The following UBR4 variants were observed in gnomAD, a reference collection of about 807,000 sequenced individuals.
UBR4 encodes ubiquitin protein ligase E3 component n-recognin 4.
UBR4 carries 124 observed loss-of-function variants against 575.6 expected under a neutral mutation model. The ratio of observed to expected loss-of-function variants is 0.22; its 90% CI spans 0.19 to 0.25. The LOEUF is 0.25. UBR4 is among the 10% of genes least tolerant of loss of function. The probability of loss-of-function intolerance (pLI) is 1.00; values close to 1 mark genes in which losing one functional copy is unlikely to be tolerated. For missense variants in UBR4, 4,818 were observed against 6,478.8 expected (o/e 0.74, Z 8.80); for synonymous variants, 2,455 against 2,473.7 (o/e 0.99, Z 0.22).
At chr1:19,176,806 G>T in intron 19 of UBR4, 79 bp from the exon 20 acceptor site, 1 of 1,475,336 alleles carries the variant, frequency 6.8e-7, no homozygotes, top group South Asian at 1.3e-5. Context: ...ATAATAGCTC[G>T]GTACACTGAA....
chr1:19,198,721 C>G (rs1224749029), intron 4 of UBR4, 41 bp from the exon 5 acceptor site: 1 of 1,612,520 alleles, frequency 6.2e-7, no homozygotes, highest in South Asian at 1.1e-5. Context: ...GAGGAAAGTG[C>G]CACTAGAAGG....
Position 19,177,515 on chromosome 1 carries a change from G to T in UBR4, c.2583C>A (p.Ile861=), listed in dbSNP as rs2090398613. The T allele has an allele frequency of 6.2e-7, 1 of 1,614,150 alleles. No individual in the cohort carries two copies. Among genetic ancestry groups the T allele is most frequent in the African/African-American group, 1.3e-5 (1 of 75,040 alleles). The change falls in exon 19 of 106, where the codon ATC becomes ATA. Residue 861 remains isoleucine, a synonymous_variant. Transcript: ENST00000375254. The part of the protein sequence containing the change: ...VPLILARLLL[I]FDYLLHQYSK... ...AGTACTGATGAAGCAGATAATCAAA[G>T]ATGAGAAGGAGGCGAGCCAAGATAA...
Position 19,123,636 on chromosome 1 carries a change from C to T in UBR4, c.9589-576G>A, listed in dbSNP as rs796269000. ...TCTTCCTTGTGCCCTTAGGAATCTA[C>T]AGGCAAGCTGGACTCCACTTCAGCC... On this transcript the variant is annotated intron_variant, in intron 65 of 105. Coordinates refer to ENST00000375254, the MANE Select transcript of UBR4 (RefSeq NM_020765.3). 7.2e-5 allele frequency among the ~76,000 whole-genome samples: 11 copies of T among 152,214 alleles called. No homozygotes were observed. In the South Asian group the frequency reaches 1.0e-3, roughly 14 times the overall value.
rs1164930874 is a variant in UBR4, at chr1:19,190,431, C to G, written c.1394+1757G>C. On this transcript the variant is annotated intron_variant, in intron 11 of 105. Transcript: ENST00000375254. The stretch of plus-strand genomic sequence containing the variant: ...CAGAGCCTGGGACACAGAAGATGCT[C>G]AGAGGGTAATTTGTTAATGCAGTCC... Among the ~76,000 whole-genome samples the G allele has an allele frequency of 2.0e-5, 3 of 151,122 alleles. No homozygotes were observed. The East Asian group carries it at 5.9e-4, about 29-fold the overall frequency.
In UBR4 at chr1:19,117,113, T is replaced by C; in HGVS notation, c.10823+108A>G. The C allele has an allele frequency of 2.4e-6, 3 of 1,229,540 alleles. No individual in the cohort carries two copies. The highest frequency in any genetic ancestry group is 3.5e-6 in the Non-Finnish European group (3 of 859,588). The allele number at this position is 1,229,540 out of a possible 1,614,324, so 76.2% of individuals were successfully genotyped here. On this transcript the variant is annotated intron_variant, in intron 73 of 105. Coordinates refer to ENST00000375254, the MANE Select transcript of UBR4 (RefSeq NM_020765.3). This position sits in a 1 kb window ranked among gnomAD's most constrained non-coding sequence, Gnocchi z 4.0. ...TGAATGGAGGGGCCAAGAGGATGTA[T>C]TAGGCCTCTAGGGATGTGCTGCCTT...
chr1:19,127,876 T>C (rs1391888836), intron 62 of UBR4, 137 bp from the exon 63 acceptor site: 8 of 705,068 alleles, frequency 1.1e-5, no homozygotes, highest in Admixed American at 2.5e-5. Flanking sequence ...CAACCCCCAG[T>C]ATATCCATGG....
rs547184925 is a variant in UBR4, at chr1:19,143,868, T to A, written c.8179+112A>T. The A allele has an allele frequency of 6.7e-6, 6 of 901,920 alleles. No homozygotes were observed. The African/African-American group carries it at 1.0e-4, about 15-fold the overall frequency. The allele number at this position is 901,920 out of a possible 1,614,324, so 55.9% of individuals were successfully genotyped here. On this transcript the variant is annotated intron_variant, in intron 55 of 105. Transcript: ENST00000375254. Reference sequence around the variant, plus strand: ...TAGGATTAGAAAAAAGACAGATACATAAAGTCTCCAGGACCTTGGTCAACA... The same window carrying A: ...TAGGATTAGAAAAAAGACAGATACAAAAAGTCTCCAGGACCTTGGTCAACA...
chr1:19,199,690 C>T lies in UBR4; in HGVS notation c.339G>A (p.Leu113=), dbSNP rs749121564. The T allele has an allele frequency of 2.5e-6, 4 of 1,614,034 alleles. No individual in the cohort carries two copies. Among genetic ancestry groups the T allele is most frequent in the Non-Finnish European group, 3.4e-6 (4 of 1,180,032 alleles). The change falls in exon 3 of 106, where the codon CTG becomes CTA. Residue 113 remains leucine (L), a synonymous_variant. Coordinates refer to ENST00000375254, the MANE Select transcript of UBR4 (RefSeq NM_020765.3). ...AAGCCTCATCTGGATTCTCCAGACG[C>T]AGGAGAGAAAACTCAATTAGAACTT... ...ACKVLIEFSL[L]RLENPDEACA... is the part of the protein sequence containing the mutation.
chr1:19,105,122 T>A lies in UBR4; in HGVS notation c.12571A>T (p.Ile4191Phe). ...AEYLALYQKLITSAHWKVYLA... is the reference protein window; with the variant it reads ...AEYLALYQKLFTSAHWKVYLA... ...TAGACTTTCCAGTGCGCAGAAGTGATGAGCTTCTGGTAGAGAGCCAGGTAC... is the reference window on the plus strand; with the variant it reads ...TAGACTTTCCAGTGCGCAGAAGTGAAGAGCTTCTGGTAGAGAGCCAGGTAC... The change falls in exon 85 of 106, where the codon ATC becomes TTC. Residue 4191 changes from isoleucine to phenylalanine, a missense_variant. Ile to Phe is a conservative substitution (Grantham distance 21). Around this residue, in one of 29 missense-constraint regions of UBR4, gnomAD observed 178 missense variants for 175.5 expected, o/e 1.01. Coordinates refer to ENST00000375254, the MANE Select transcript of UBR4 (RefSeq NM_020765.3). 1 of 1,614,124 alleles carries A rather than the reference T, an allele frequency of 6.2e-7. No individual in the cohort carries two copies. Among genetic ancestry groups the A allele is most frequent in the Non-Finnish European group, 8.5e-7 (1 of 1,180,006 alleles).
Position 19,123,026 on chromosome 1 carries a change from C to T in UBR4, c.9623G>A (p.Arg3208His), listed in dbSNP as rs1338410632. The T allele has an allele frequency of 1.9e-6, 3 of 1,614,132 alleles. No homozygotes were observed. Among genetic ancestry groups the T allele is most frequent in the African/African-American group, 2.7e-5 (2 of 75,004 alleles). Residue 3208 changes from arginine (R) to histidine (H), a missense_variant, in exon 66 of 106, where the codon CGT becomes CAT. Around this residue, in one of 29 missense-constraint regions of UBR4, gnomAD observed 550 missense variants for 791.5 expected, o/e 0.69. Transcript: ENST00000375254. Reference protein sequence around the residue: ...LMIQQTPFVRRQVRKLLLFIC... With the variant: ...LMIQQTPFVRHQVRKLLLFIC... The stretch of plus-strand genomic sequence containing the variant: ...GAAGAGCAGAAGTTTGCGGACTTGA[C>T]GGCGCACAAATGGAGTCTGCTGGAT...
intron 66 of UBR4, 59 bp downstream of exon 66, chr1:19,122,774 A>G (rs563263429): frequency 3.2e-6 from 5 of 1,582,888 alleles, no homozygotes; most frequent in Admixed American, 3.3e-5. Context: ...CCTATTACCT[A>G]CTTGGCTAAG....
intron 81 of UBR4, among the ~76,000 whole-genome samples, chr1:19,107,343 C>A (rs1470921575): frequency 6.6e-6 from 1 of 152,130 alleles, no homozygotes; most frequent in Non-Finnish European, 1.5e-5. Flanking sequence ...AAGCAGCCTG[C>A]AGAGAGAGAG....
chr1:19,098,253 G>A (rs549288386), intron 90 of UBR4, among the ~76,000 whole-genome samples: 1 of 152,210 alleles, frequency 6.6e-6, no homozygotes, highest in Non-Finnish European at 1.5e-5. Context: ...TGAACACAGA[G>A]CAGGTTCTAG....
At chr1:19,156,728 C>A (rs776838557) in intron 41 of UBR4, 39 bp downstream of exon 41, 3 of 1,588,986 alleles carry the variant, frequency 1.9e-6, no homozygotes, top group South Asian at 1.1e-5. Context: ...GACTAGAATC[C>A]ACAGCTCAAG....
At chr1:19,204,224 A>T (rs2092893171) in intron 1 of UBR4, among the ~76,000 whole-genome samples, 2 of 151,880 alleles carry the variant, frequency 1.3e-5, no homozygotes, top group Admixed American at 1.3e-4. Flanking sequence ...GGCTGGTCTC[A>T]AACTCCTGAC....
In UBR4 at chr1:19,153,640, AG is replaced by A; in HGVS notation, c.6630+127del. 1 of 1,469,972 alleles carries A rather than the reference AG, an allele frequency of 6.8e-7. No homozygotes were observed. The highest frequency in any genetic ancestry group is 9.2e-7 in the Non-Finnish European group (1 of 1,083,736). 91.1% of individuals were successfully genotyped at this position (1,469,972 alleles called of 1,614,324 possible). A position where few individuals can be genotyped will look rare whatever the true frequency, so the allele number is the denominator to read the frequency against. The stretch of plus-strand genomic sequence containing the variant: ...GAAGGGTGGCAAAGAAAAGGCATCT[AG>A]AAGAAAAAGGACTGAAAATCTTTTA... On this transcript the variant is annotated intron_variant, in intron 45 of 105. Coordinates refer to ENST00000375254, the MANE Select transcript of UBR4 (RefSeq NM_020765.3). The surrounding 1 kb of genome is among the most constrained non-coding windows in gnomAD (Gnocchi z 4.1).
In UBR4 at chr1:19,183,852, G is replaced by A; in HGVS notation, c.2143C>T (p.His715Tyr). 6.2e-7 allele frequency: 1 copy of A among 1,614,178 alleles called. No individual in the cohort carries two copies. Among genetic ancestry groups the A allele is most frequent in the Non-Finnish European group, 8.5e-7 (1 of 1,180,030 alleles). Residue 715 changes from histidine to tyrosine, a missense_variant, in exon 17 of 106, where the codon CAC becomes TAC. Coordinates refer to ENST00000375254, the MANE Select transcript of UBR4 (RefSeq NM_020765.3). ...TGAAGGTCAGAGGTTACCAGTGAGT[G>A]GTTGAAGTGATAGAGAGCTGCAGCA... is the stretch of plus-strand genomic sequence containing the variant. ...EFAAALYHFN[H>Y]SLVTSDLQSP... is the part of the protein sequence containing the mutation.
Position 19,166,714 on chromosome 1 carries a change from C to CAAAA in UBR4, c.4109+304_4109+307dup, listed in dbSNP as rs535369262. ...ACAACATGGCAAACTCCATCTCTACCAAAAAAAAAAAAAAAAAAAAAAAAA... is the reference window on the plus strand; with the variant it reads ...ACAACATGGCAAACTCCATCTCTACCAAAAAAAAAAAAAAAAAAAAAAAAAAAAA... On this transcript the variant is annotated intron_variant, in intron 29 of 105. Coordinates refer to ENST00000375254, the MANE Select transcript of UBR4 (RefSeq NM_020765.3). 5.3e-4 allele frequency among the ~76,000 whole-genome samples: 39 copies of CAAAA among 73,752 alleles called. 3 individuals are homozygous for CAAAA. Among genetic ancestry groups the CAAAA allele is most frequent in the African/African-American group, 1.2e-3 (18 of 15,128 alleles). 48.4% of individuals were successfully genotyped at this position (73,752 alleles called of 152,430 possible). A position where few individuals can be genotyped will look rare whatever the true frequency, so the allele number is the denominator to read the frequency against.
Position 19,145,890 on chromosome 1 carries a change from TC to T in UBR4, c.7847del (p.Gly2616GlufsTer11). ...EGKEPQKQLE[G>X]DCCSFITQLV... is the part of the protein sequence containing the mutation. ...GCTGGGTGATGAAACTACAGCAATC[TC>T]CTTCCAACTGCTTCTGCGGTTCCTT... is the stretch of plus-strand genomic sequence containing the variant. On this transcript the variant is annotated frameshift_variant, in exon 53 of 106. Transcript: ENST00000375254. LOFTEE classifies it high-confidence loss of function. The T allele has an allele frequency of 6.2e-7, 1 of 1,614,188 alleles. No individual in the cohort carries two copies. Among genetic ancestry groups the T allele is most frequent in the Non-Finnish European group, 8.5e-7 (1 of 1,180,008 alleles).
Sources: gnomAD v4.1 joint callset for allele counts (sites outside exome capture counted in the v4.1 genomes callset) on GRCh38, gnomAD v4.1.1 for gene constraint, gnomAD v4.1.1 regional missense constraint, Gnocchi (gnomAD v3.1) non-coding constraint, MANE v1.5 for transcripts, NCBI Gene and HGNC (gene_info 2026-07-23, HGNC 2026-07-21) for gene names.